Variants in MAGI2 observed in about 807,000 individuals in gnomAD.
The protein encoded by MAGI2 is membrane associated guanylate kinase, WW and PDZ domain containing 2.
In MAGI2, 35 loss-of-function variants were observed where a neutral mutation model predicts 133.3. The observed-to-expected ratio is 0.26, with a 90% confidence interval of 0.20 to 0.35. MAGI2 has a LOEUF of 0.35. MAGI2 is among the 10% of genes least tolerant of loss of function. MAGI2 has a pLI of 1.00. For synonymous variants in MAGI2, 729 were observed against 710.6 expected, an observed-to-expected ratio of 1.03 and a Z score of -0.41; for missense variants, 1,636 against 1,863.4, an observed-to-expected ratio of 0.88 and a Z score of 2.25.
chr7:78,955,450 A>T (rs1260827832), intron 2 of MAGI2, among the ~76,000 whole-genome samples: 1 of 152,192 alleles, frequency 6.6e-6, no homozygotes, highest in Non-Finnish European at 1.5e-5. Flanking sequence ...GCATAAAGGT[A>T]CATATTACAA....
intron 9 of MAGI2, among the ~76,000 whole-genome samples, chr7:78,284,978 T>C (rs991262563): frequency 1.3e-5 from 2 of 152,140 alleles, no homozygotes; most frequent in African/African-American, 4.8e-5. Context: ...AAATTAGAAT[T>C]AACATGGGCA....
chr7:78,018,861 G>T lies in MAGI2; in HGVS notation c.*454C>A, dbSNP rs1483199251. 3.1e-6 allele frequency: 1 copy of T among 319,970 alleles called. No homozygotes were observed. Among genetic ancestry groups the T allele is most frequent in the Non-Finnish European group, 5.7e-6 (1 of 176,942 alleles). 19.8% of individuals were successfully genotyped at this position (319,970 alleles called of 1,614,324 possible). On this transcript the variant is annotated 3_prime_UTR_variant, in exon 22 of 22. Coordinates refer to ENST00000354212, the MANE Select transcript of MAGI2 (RefSeq NM_012301.4). ...TTACAACGCTTTAGATCAATTAAAA[G>T]ATATAATCTTGTCTCAGTTTCAGCT... is the stretch of plus-strand genomic sequence containing the variant.
intron 2 of MAGI2, among the ~76,000 whole-genome samples, chr7:78,719,183 G>C (rs530207435): frequency 6.6e-6 from 1 of 152,098 alleles, no homozygotes; most frequent in African/African-American, 2.4e-5. Flanking sequence ...GGATGTTAAA[G>C]AAAAAGGTAA....
At chr7:78,100,919 C>A (rs924009739) in intron 20 of MAGI2, among the ~76,000 whole-genome samples, 2 of 151,822 alleles carry the variant, frequency 1.3e-5, no homozygotes, top group Middle Eastern at 3.4e-3. Flanking sequence ...AATGTTATAT[C>A]TGAGAAGAAA....
At chr7:78,205,800 G>A (rs1829674936) in intron 10 of MAGI2, among the ~76,000 whole-genome samples, 1 of 151,966 alleles carries the variant, frequency 6.6e-6, no homozygotes, top group Non-Finnish European at 1.5e-5. Flanking sequence ...AGAAAAAAAA[G>A]CCCTGAAAAT....
chr7:78,025,613 A>T (rs1176413504), intron 21 of MAGI2, among the ~76,000 whole-genome samples: 2 of 152,220 alleles, frequency 1.3e-5, no homozygotes, highest in Non-Finnish European at 2.9e-5. Context: ...AAGGATTTTC[A>T]TTTGAAGTAT....
chr7:79,395,556 T>C (rs755611001), intron 1 of MAGI2, among the ~76,000 whole-genome samples: 2 of 152,196 alleles, frequency 1.3e-5, no homozygotes, highest in Non-Finnish European at 2.9e-5. Context: ...TGGGACTGTA[T>C]AGTGACTCAT....
rs1358873790 is a variant in MAGI2 at position 78,267,589 on chromosome 7, G to A, written c.1409-11008C>T. Reference sequence around the variant, plus strand: ...ACTCCCTCAAACACATGGCAAAAAGGAAGAACAAAATTTGTCTTGGCTTCA... The same window carrying A: ...ACTCCCTCAAACACATGGCAAAAAGAAAGAACAAAATTTGTCTTGGCTTCA... On this transcript the variant is annotated intron_variant, in intron 9 of 21. Coordinates refer to ENST00000354212, the MANE Select transcript of MAGI2 (RefSeq NM_012301.4). 2.6e-5 allele frequency among the ~76,000 whole-genome samples: 4 copies of A among 152,160 alleles called. No individual in the cohort carries two copies. The East Asian group carries it at 7.7e-4, about 29-fold the overall frequency.
intron 2 of MAGI2, among the ~76,000 whole-genome samples, chr7:78,648,492 C>T (rs1811146948): frequency 6.6e-6 from 1 of 152,204 alleles, no homozygotes; most frequent in Non-Finnish European, 1.5e-5. Context: ...ACCATCTTAT[C>T]CAACACTTTT....
chr7:78,793,128 C>T (rs937690680), intron 2 of MAGI2, among the ~76,000 whole-genome samples: 1 of 152,184 alleles, frequency 6.6e-6, no homozygotes, highest in Non-Finnish European at 1.5e-5. Context: ...CTTTCTTTTT[C>T]CCTTTGCCAC....
chr7:78,288,173 C>T (rs1796339747), intron 9 of MAGI2, among the ~76,000 whole-genome samples: 1 of 152,090 alleles, frequency 6.6e-6, no homozygotes, highest in South Asian at 2.1e-4. Flanking sequence ...AGTGCTTTTG[C>T]TCATTTCATG....
intron 4 of MAGI2, among the ~76,000 whole-genome samples, chr7:78,514,909 TG>T (rs1198771939): frequency 6.6e-6 from 1 of 152,168 alleles, no homozygotes; most frequent in Non-Finnish European, 1.5e-5. Context: ...ATTGCAGGCT[TG>T]GGGGCCTGGA....
At chr7:78,529,528 A>G (rs946422465) in intron 3 of MAGI2, among the ~76,000 whole-genome samples, 1 of 152,196 alleles carries the variant, frequency 6.6e-6, no homozygotes, top group Non-Finnish European at 1.5e-5. Context: ...ATTCATGAGT[A>G]TATCCCATTT....
intron 21 of MAGI2, among the ~76,000 whole-genome samples, chr7:78,076,593 T>C (rs554650932): frequency 6.6e-6 from 1 of 151,676 alleles, no homozygotes; most frequent in East Asian, 1.9e-4. Flanking sequence ...ACGCCTGTAA[T>C]CCCAGCACTT....
At chr7:78,173,926 T>A (rs915390343) in intron 14 of MAGI2, among the ~76,000 whole-genome samples, 4 of 152,144 alleles carry the variant, frequency 2.6e-5, no homozygotes, top group African/African-American at 7.2e-5. Context: ...CAAGAGAAGA[T>A]GAAAATCCGT....
At chr7:78,141,386 C>T (rs914766980) in intron 16 of MAGI2, among the ~76,000 whole-genome samples, 1 of 152,152 alleles carries the variant, frequency 6.6e-6, no homozygotes, top group Non-Finnish European at 1.5e-5. Flanking sequence ...ATTCTGCCTT[C>T]ATATGTTTTA....
chr7:78,396,201 T>C (rs964384962), intron 6 of MAGI2, among the ~76,000 whole-genome samples: 1 of 152,142 alleles, frequency 6.6e-6, no homozygotes, highest in Non-Finnish European at 1.5e-5. Flanking sequence ...AGCAAAGCGA[T>C]TGTAAATAAG....
intron 1 of MAGI2, among the ~76,000 whole-genome samples, chr7:79,434,931 A>T (rs1212021426): frequency 6.6e-6 from 1 of 152,228 alleles, no homozygotes; most frequent in Non-Finnish European, 1.5e-5. Context: ...ACCTACTTCA[A>T]AAAAGGGAGA....
intron 1 of MAGI2, among the ~76,000 whole-genome samples, chr7:79,417,514 A>G (rs1219223450): frequency 6.6e-6 from 1 of 152,186 alleles, no homozygotes; most frequent in African/African-American, 2.4e-5. Flanking sequence ...TGCCTTCACA[A>G]GGAAATCTGG....
Sources: allele counts gnomAD v4.1 joint callset (sites outside exome capture counted in the v4.1 genomes callset), GRCh38; gene constraint gnomAD v4.1.1; transcripts MANE v1.5; gene names NCBI Gene and HGNC (gene_info 2026-07-23, HGNC 2026-07-21).